The following CFAP47 variants were observed in gnomAD, a reference collection of about 807,000 sequenced individuals.
The protein encoded by CFAP47 is cilia- and flagella-associated protein 47.
CFAP47 carries 29 observed loss-of-function variants against 148.1 expected under a neutral mutation model. The ratio of observed to expected loss-of-function variants is 0.20; its 90% CI spans 0.15 to 0.27. CFAP47 has a LOEUF of 0.27. CFAP47 is among the 10% of genes least tolerant of loss of function. The pLI is 1.00. For synonymous variants in CFAP47, 664 were observed against 577.3 expected, an observed-to-expected ratio of 1.15 and a Z score of -2.15; for missense variants, 1,872 against 1,697.5, an observed-to-expected ratio of 1.10 and a Z score of -1.81.
At chrX:35,970,673 A>G in intron 10 of CFAP47, 95 bp from the exon 11 acceptor site, 1 of 617,510 alleles carries the variant, frequency 1.6e-6, no homozygotes, top group Non-Finnish European at 2.4e-6. Context: ...TCCACATCCA[A>G]CACCTGATAT....
In CFAP47 at chrX:36,175,521, C is replaced by T. The variant is rs182332456; in HGVS notation, c.6027-3824C>T. ...TTTGTTAGTTTTCCTTCTAACAGACCGGACCCTCAGCTGCAGGTCTGTTGG... is the reference window on the plus strand; with the variant it reads ...TTTGTTAGTTTTCCTTCTAACAGACTGGACCCTCAGCTGCAGGTCTGTTGG... On this transcript the variant is annotated intron_variant, in intron 39 of 63. Coordinates refer to ENST00000378653, the MANE Select transcript of CFAP47 (RefSeq NM_001304548.2). Among the ~76,000 whole-genome samples the T allele has an allele frequency of 5.4e-5, 6 of 110,987 alleles. No homozygotes were observed. In the East Asian group the frequency reaches 8.5e-4, roughly 16 times the overall value.
chrX:35,940,017 G>C (rs1935980383), intron 2 of CFAP47, among the ~76,000 whole-genome samples: 1 of 110,609 alleles, frequency 9.0e-6, no homozygotes, highest in African/African-American at 3.3e-5. Flanking sequence ...TCTCATTGTG[G>C]TTTTGATTTG....
At chrX:36,144,987 G>T in intron 35 of CFAP47, 2 of 514,057 alleles carry the variant, frequency 3.9e-6, no homozygotes, top group Non-Finnish European at 5.9e-6. Context: ...CTGTCATTCT[G>T]CAGTTTGTAG....
chrX:36,186,263 G>C (rs781863699), intron 40 of CFAP47, among the ~76,000 whole-genome samples: 1 of 111,226 alleles, frequency 9.0e-6, no homozygotes, highest in Admixed American at 9.6e-5. Context: ...GTTAGTGGAA[G>C]TCAAGCTGAA....
intron 60 of CFAP47, among the ~76,000 whole-genome samples, chrX:36,357,726 T>C (rs1373074734): frequency 1.8e-5 from 2 of 111,633 alleles, no homozygotes; most frequent in Non-Finnish European, 3.8e-5. Flanking sequence ...ATTTCTCCTA[T>C]AAGTGTATTT....
In CFAP47 at chrX:36,379,536, A is replaced by G. The variant is rs1556023703; in HGVS notation, c.9354+18A>G. ...TAATACAGGTGAGTTCTATAAGGGC[A>G]ATAGCCAAGGATGTTTGATGCAACT... On this transcript the variant is annotated intron_variant, in intron 63 of 63. Transcript: ENST00000378653. 1 of 1,110,969 alleles carries G rather than the reference A, an allele frequency of 9.0e-7. No individual in the cohort carries two copies. Among genetic ancestry groups the G allele is most frequent in the Non-Finnish European group, 1.2e-6 (1 of 821,654 alleles). The allele number at this position is 1,110,969 out of a possible 1,213,427, so 91.6% of individuals were successfully genotyped here.
chrX:36,269,523 A>G (rs1309584260), intron 49 of CFAP47, among the ~76,000 whole-genome samples: 1 of 112,276 alleles, frequency 8.9e-6, no homozygotes, highest in African/African-American at 3.2e-5. Context: ...TGTTAACTAC[A>G]CTTCTGCACT....
At chrX:35,985,878 C>T in intron 15 of CFAP47, 1 of 304,485 alleles carries the variant, frequency 3.3e-6, no homozygotes, top group Non-Finnish European at 6.4e-6. Context: ...TGGAGTCCTG[C>T]CCCTTCCTCC....
Position 36,384,897 on chromosome X carries a change from A to G in CFAP47, c.9455A>G (p.His3152Arg), listed in dbSNP as rs1303431135. ...AAAATTGATGCTACTCACAAGACAC[A>G]TGACAACATGCCAGTCCGTCCACAT... ...KAKIDATHKT[H>R]DNMPVRPHNF... is the part of the protein sequence containing the mutation. Residue 3152 changes from histidine (H) to arginine (R), a missense_variant, in exon 64 of 64, where the codon CAT becomes CGT. Coordinates refer to ENST00000378653, the MANE Select transcript of CFAP47 (RefSeq NM_001304548.2). 11 of 1,165,752 alleles carry G rather than the reference A, an allele frequency of 9.4e-6. No individual in the cohort carries two copies. The highest frequency in any genetic ancestry group is 1.1e-5 in the Non-Finnish European group (10 of 870,982).
chrX:36,213,319 C>T (rs782465663), intron 45 of CFAP47, among the ~76,000 whole-genome samples: 6 of 111,121 alleles, frequency 5.4e-5, no homozygotes, highest in Non-Finnish European at 1.1e-4. Flanking sequence ...AGTATAGCCA[C>T]TCCAGCTCAC....
rs1429664702 is a variant in CFAP47, at chrX:36,284,884, GA to G, written c.7589-743del. ...CCTAGTTCAACACAGGAAAACAAAA[GA>G]ATATCAAAATGGGAAGCTGAACAGA... On this transcript the variant is annotated intron_variant, in intron 50 of 63. Transcript: ENST00000378653. Among the ~76,000 whole-genome samples the G allele has an allele frequency of 1.9e-3, 210 of 111,149 alleles. 2 individuals are homozygous for G. The highest frequency in any genetic ancestry group is 6.7e-3 in the African/African-American group (206 of 30,667).
intron 53 of CFAP47, among the ~76,000 whole-genome samples, chrX:36,302,758 G>A (rs1384211343): frequency 9.0e-6 from 1 of 111,659 alleles, no homozygotes; most frequent in Non-Finnish European, 1.9e-5. Flanking sequence ...TCATCAATTT[G>A]GATCTTGTTA....
At chrX:36,228,495 T>C (rs931307941) in intron 45 of CFAP47, 133 bp from the exon 46 acceptor site, 45 of 440,639 alleles carry the variant, frequency 1.0e-4, no homozygotes, top group Admixed American at 3.5e-4. Flanking sequence ...TTTAGAAGTA[T>C]TGTGTTATCC....
At chrX:36,188,387 G>T (rs997511863) in intron 40 of CFAP47, among the ~76,000 whole-genome samples, 7 of 111,128 alleles carry the variant, frequency 6.3e-5, no homozygotes, top group Non-Finnish European at 9.4e-5. Flanking sequence ...CAATTTTTTT[G>T]AAAAGAGTGG....
chrX:36,029,720 A>G lies in CFAP47; in HGVS notation c.3557-1533A>G, dbSNP rs1444843673. On this transcript the variant is annotated intron_variant, in intron 22 of 63. Transcript: ENST00000378653. ...ATTGGTTGGATTTTATACTTTATGG[A>G]TTATGTCATATATGTGTATATATAT... Among the ~76,000 whole-genome samples the G allele has an allele frequency of 2.7e-5, 3 of 109,798 alleles. No individual in the cohort carries two copies. In the East Asian group the frequency reaches 8.5e-4, roughly 31 times the overall value.
At chrX:36,092,633 T>C (rs1294787258) in intron 30 of CFAP47, among the ~76,000 whole-genome samples, 1 of 109,860 alleles carries the variant, frequency 9.1e-6, no homozygotes, top group East Asian at 2.8e-4. Context: ...TTTTTTTTAC[T>C]TTTTATTTTA....
chrX:36,116,021 C>T (rs1938633882), intron 33 of CFAP47, among the ~76,000 whole-genome samples: 1 of 112,003 alleles, frequency 8.9e-6, no homozygotes, highest in Admixed American at 9.5e-5. Flanking sequence ...GTATGTTAGA[C>T]ATTTTTTCAC....
chrX:36,067,298 T>C (rs1004438004), intron 27 of CFAP47, among the ~76,000 whole-genome samples: 17 of 111,550 alleles, frequency 1.5e-4, no homozygotes, highest in Non-Finnish European at 3.8e-5. Context: ...TGTATTCCCA[T>C]AGGCACCCCC....
chrX:36,325,835 T>C (rs1556012924), intron 57 of CFAP47, among the ~76,000 whole-genome samples: 2 of 111,488 alleles, frequency 1.8e-5, no homozygotes, highest in Non-Finnish European at 3.8e-5. Flanking sequence ...TTAGGTACTA[T>C]ATACTGGCAA....
Sources: allele counts gnomAD v4.1 joint callset (sites outside exome capture counted in the v4.1 genomes callset), GRCh38; gene constraint gnomAD v4.1.1; transcripts MANE v1.5; gene names NCBI Gene and HGNC (gene_info 2026-07-23, HGNC 2026-07-21).